Variants in POU6F2 observed in about 807,000 individuals in gnomAD.
POU6F2 encodes the protein POU domain, class 6, transcription factor 2.
A neutral mutation model predicts 71.3 loss-of-function variants in POU6F2; 31 were observed. The ratio of observed to expected loss-of-function variants is 0.43; its 90% CI spans 0.33 to 0.59. POU6F2 has a LOEUF of 0.59. POU6F2 is among the 20% of genes least tolerant of loss of function. The pLI is 0.04. For missense variants in POU6F2, 783 were observed against 856.8 expected (o/e 0.91, Z 1.07); for synonymous variants, 347 against 355.7 (o/e 0.98, Z 0.27).
intron 7 of POU6F2, among the ~76,000 whole-genome samples, chr7:39,440,072 C>T (rs1788360083): frequency 6.6e-6 from 1 of 152,150 alleles, no homozygotes; most frequent in South Asian, 2.1e-4. Context: ...GATGGGCTTC[C>T]CTTTGTAGGT....
chr7:39,443,832 T>G (rs2237376), intron 7 of POU6F2, among the ~76,000 whole-genome samples: 50,976 of 151,790 alleles, frequency 0.34, 9,501 homozygotes, highest in East Asian at 0.58. Flanking sequence ...CTGTCACACA[T>G]TAGAGAAGTT....
intron 5 of POU6F2, among the ~76,000 whole-genome samples, chr7:39,383,282 G>A (rs918287001): frequency 6.6e-6 from 1 of 152,108 alleles, no homozygotes; most frequent in African/African-American, 2.4e-5. Flanking sequence ...GATTAAAATT[G>A]TTTTTAAAGC....
chr7:39,236,680 G>A (rs1476074192), intron 4 of POU6F2, among the ~76,000 whole-genome samples: 1 of 151,984 alleles, frequency 6.6e-6, no homozygotes, highest in Non-Finnish European at 1.5e-5. Context: ...CGTATAAGTA[G>A]CATGCTACTT....
At chr7:39,175,160 A>G (rs1793303575) in intron 2 of POU6F2, among the ~76,000 whole-genome samples, 1 of 151,478 alleles carries the variant, frequency 6.6e-6, no homozygotes, top group Non-Finnish European at 1.5e-5. Flanking sequence ...TCTGTCCTCT[A>G]TTTTTCTTAT....
chr7:39,370,668 G>T (rs947702100), intron 5 of POU6F2, among the ~76,000 whole-genome samples: 1 of 152,186 alleles, frequency 6.6e-6, no homozygotes, highest in African/African-American at 2.4e-5. Flanking sequence ...ATTGGGCCAC[G>T]TTGCCCACAT....
chr7:39,008,265 C>T (rs1218633441), intron 1 of POU6F2, among the ~76,000 whole-genome samples: 2 of 151,206 alleles, frequency 1.3e-5, no homozygotes, highest in Non-Finnish European at 3.0e-5. Context: ...ATTTGCATTT[C>T]TCTGATGGCC....
In POU6F2 at chr7:39,460,721, G is replaced by A. The variant is rs754751191; in HGVS notation, c.1658+6G>A. 1.8e-5 allele frequency: 29 copies of A among 1,584,622 alleles called. No individual in the cohort carries two copies. The highest frequency in any genetic ancestry group is 2.3e-5 in the East Asian group (1 of 43,836). ...AGCCAGTCGGCCATCTGCAGGTAAC[G>A]CGCGCCTGCATGCTGTCACCTCTTC... On this transcript the variant is annotated splice_donor_region_variant and intron_variant, in intron 9 of 9. Transcript: ENST00000518318. This position sits in a 1 kb window ranked among gnomAD's most constrained non-coding sequence, Gnocchi z 4.4.
chr7:38,983,214 C>T (rs1788368727), intron 1 of POU6F2, among the ~76,000 whole-genome samples: 2 of 152,064 alleles, frequency 1.3e-5, no homozygotes, highest in Non-Finnish European at 2.9e-5. Flanking sequence ...AATTTGAACG[C>T]TAAAAGAAAA....
chr7:39,254,834 T>G (rs1293962619), intron 4 of POU6F2, among the ~76,000 whole-genome samples: 2 of 152,182 alleles, frequency 1.3e-5, no homozygotes, highest in Non-Finnish European at 2.9e-5. Context: ...AAGAGAGGAT[T>G]AATTTTGAGC....
At chr7:39,425,546 A>G (rs1787949738) in intron 6 of POU6F2, among the ~76,000 whole-genome samples, 1 of 152,184 alleles carries the variant, frequency 6.6e-6, no homozygotes, top group Non-Finnish European at 1.5e-5. Flanking sequence ...TCAGCAACTA[A>G]TGCATTCGAA....
chr7:39,380,339 T>C (rs1400248812), intron 5 of POU6F2, among the ~76,000 whole-genome samples: 1 of 152,194 alleles, frequency 6.6e-6, no homozygotes, highest in Non-Finnish European at 1.5e-5. Context: ...TTTCAATGTG[T>C]TGTGGGATTA....
intron 4 of POU6F2, among the ~76,000 whole-genome samples, chr7:39,247,462 AAAGAAAGAGAGAAAG>A (rs1783842068): frequency 6.6e-6 from 1 of 150,570 alleles, no homozygotes; most frequent in African/African-American, 2.4e-5. Flanking sequence ...AAGAAAAAAG[AAAGAAAGAGAGAAAG>A]AAGAAAGAAA....
chr7:39,360,810 G>T (rs112730135), intron 5 of POU6F2, among the ~76,000 whole-genome samples: 1 of 152,178 alleles, frequency 6.6e-6, no homozygotes, highest in South Asian at 2.1e-4. Flanking sequence ...GTAACTTCCT[G>T]ACATTGCTAT....
intron 2 of POU6F2, among the ~76,000 whole-genome samples, chr7:39,161,559 A>G (rs2128736681): frequency 6.6e-6 from 1 of 152,264 alleles, no homozygotes; most frequent in East Asian, 1.9e-4. Context: ...GAGCCCAGAG[A>G]GGTCAAGTGA....
chr7:39,334,094 T>G (rs115653904), intron 4 of POU6F2, among the ~76,000 whole-genome samples: 30 of 152,226 alleles, frequency 2.0e-4, no homozygotes, highest in African/African-American at 7.0e-4. Flanking sequence ...GAATTTATCT[T>G]TATTTTCCCC....
intron 5 of POU6F2, among the ~76,000 whole-genome samples, chr7:39,344,503 A>C (rs1044850523): frequency 1.3e-5 from 2 of 152,198 alleles, no homozygotes; most frequent in East Asian, 1.9e-4. Flanking sequence ...TAATGGGAGA[A>C]GGTGGTACAT....
At chr7:39,313,276 A>G (rs140190185) in intron 4 of POU6F2, among the ~76,000 whole-genome samples, 3 of 152,212 alleles carry the variant, frequency 2.0e-5, no homozygotes, top group African/African-American at 7.2e-5. Context: ...CTCTGCCTCA[A>G]GGGTTCTTCA....
chr7:39,149,553 A>G (rs752018149), intron 2 of POU6F2, among the ~76,000 whole-genome samples: 3 of 152,212 alleles, frequency 2.0e-5, no homozygotes, highest in Non-Finnish European at 4.4e-5. Flanking sequence ...TTATTTCACA[A>G]AAATGTTTAA....
chr7:39,458,533 A>T (rs1194104565), intron 8 of POU6F2, among the ~76,000 whole-genome samples: 1 of 152,080 alleles, frequency 6.6e-6, no homozygotes, highest in East Asian at 1.9e-4. Flanking sequence ...ATCCTTAGCG[A>T]GCCCGGAAGC....
Sources: allele counts gnomAD v4.1 joint callset (sites outside exome capture counted in the v4.1 genomes callset), GRCh38; gene constraint gnomAD v4.1.1; non-coding constraint Gnocchi (gnomAD v3.1); transcripts MANE v1.5; gene names NCBI Gene and HGNC (gene_info 2026-07-23, HGNC 2026-07-21).